The following CSMD1 variants were observed in gnomAD, a reference collection of about 807,000 sequenced individuals.
The protein encoded by CSMD1 is CUB and Sushi multiple domains 1, also known as CUB and sushi domain-containing protein 1.
In CSMD1, 213 loss-of-function variants were observed where a neutral mutation model predicts 417.5. The ratio of observed to expected loss-of-function variants is 0.51; its 90% confidence interval spans 0.46 to 0.57. The LOEUF is 0.57. CSMD1 is among the 20% of genes least tolerant of loss of function. The probability of loss-of-function intolerance (pLI) is 0.00; values close to 1 mark genes in which losing one functional copy is unlikely to be tolerated. For missense variants in CSMD1, 6,923 were observed against 4,529.7 expected, an observed-to-expected ratio of 1.53 and a Z score of -15.17; for synonymous variants, 2,862 against 1,736.8, an observed-to-expected ratio of 1.65 and a Z score of -16.11.
At chr8:3,145,425 G>A (rs1585471453) in intron 40 of CSMD1, among the ~76,000 whole-genome samples, 1 of 152,228 alleles carries the variant, frequency 6.6e-6, no homozygotes, top group South Asian at 2.1e-4. Flanking sequence ...AACTTGCAAG[G>A]GGATCAGGGT....
At chr8:4,120,938 TATA>T (rs915229465) in intron 3 of CSMD1, among the ~76,000 whole-genome samples, 1 of 152,214 alleles carries the variant, frequency 6.6e-6, no homozygotes, top group African/African-American at 2.4e-5. Flanking sequence ...TGAAAATGTG[TATA>T]ATAAGAATAC....
intron 1 of CSMD1, among the ~76,000 whole-genome samples, chr8:4,752,050 T>C (rs890025191): frequency 8.5e-5 from 13 of 152,062 alleles, no homozygotes; most frequent in Non-Finnish European, 1.8e-4. Flanking sequence ...AAACTGTGTA[T>C]ATATTAATAC....
At chr8:3,691,542 C>A (rs893049900) in intron 7 of CSMD1, among the ~76,000 whole-genome samples, 8 of 152,152 alleles carry the variant, frequency 5.3e-5, no homozygotes, top group African/African-American at 1.2e-4. Context: ...TCAGGACCTA[C>A]CTGAATGAAT....
At chr8:3,754,670 G>C (rs757475515) in intron 5 of CSMD1, among the ~76,000 whole-genome samples, 1 of 152,158 alleles carries the variant, frequency 6.6e-6, no homozygotes, top group African/African-American at 2.4e-5. Flanking sequence ...GGCCAGGCTG[G>C]TCTCGAACTT....
intron 1 of CSMD1, among the ~76,000 whole-genome samples, chr8:4,643,309 A>G (rs557931828): frequency 1.2e-4 from 18 of 152,302 alleles, no homozygotes; most frequent in African/African-American, 4.3e-4. Context: ...GAAAATGACA[A>G]TTTATGGTTT....
intron 3 of CSMD1, among the ~76,000 whole-genome samples, chr8:4,294,890 TG>T (rs1238015585): frequency 2.0e-5 from 3 of 151,846 alleles, no homozygotes; most frequent in Non-Finnish European, 4.4e-5. Flanking sequence ...TAGCTGTCAA[TG>T]TGTATGGAAC....
At chr8:3,944,651 T>G (rs913710012) in intron 5 of CSMD1, among the ~76,000 whole-genome samples, 3 of 152,192 alleles carry the variant, frequency 2.0e-5, no homozygotes, top group African/African-American at 7.2e-5. Flanking sequence ...ACTGGTGGAT[T>G]CATTTTTGGG....
intron 47 of CSMD1, among the ~76,000 whole-genome samples, chr8:3,093,485 G>A (rs553769282): frequency 3.2e-4 from 48 of 152,164 alleles, no homozygotes; most frequent in African/African-American, 1.1e-3. Flanking sequence ...TGGCCAATAT[G>A]GTAAAACCCC....
chr8:3,776,492 C>G (rs1798891352), intron 5 of CSMD1, among the ~76,000 whole-genome samples: 1 of 152,156 alleles, frequency 6.6e-6, no homozygotes, highest in African/African-American at 2.4e-5. Context: ...CACACATTTC[C>G]TGCTCTCTCT....
intron 1 of CSMD1, among the ~76,000 whole-genome samples, chr8:4,850,539 A>C (rs976661120): frequency 1.3e-5 from 2 of 151,078 alleles, no homozygotes. Context: ...CCTTTGCACC[A>C]CTCCTCCCCC....
intron 2 of CSMD1, among the ~76,000 whole-genome samples, chr8:4,433,277 C>T (rs1442621188): frequency 6.6e-6 from 1 of 152,134 alleles, no homozygotes; most frequent in African/African-American, 2.4e-5. Flanking sequence ...CATTTCCTCC[C>T]ACACCCTGGT....
intron 3 of CSMD1, among the ~76,000 whole-genome samples, chr8:4,172,611 G>A (rs1307568247): frequency 6.6e-6 from 1 of 152,158 alleles, no homozygotes; most frequent in Non-Finnish European, 1.5e-5. Context: ...TAAGCTCATG[G>A]AACCCACCCT....
intron 2 of CSMD1, among the ~76,000 whole-genome samples, chr8:4,528,552 G>C (rs1399861107): frequency 1.3e-5 from 2 of 152,114 alleles, no homozygotes; most frequent in Admixed American, 6.5e-5. Flanking sequence ...TTTGCTAAAA[G>C]GGTAGATCTT....
At chr8:4,661,344 G>A (rs979233621) in intron 1 of CSMD1, among the ~76,000 whole-genome samples, 3 of 152,078 alleles carry the variant, frequency 2.0e-5, no homozygotes, top group Non-Finnish European at 4.4e-5. Flanking sequence ...CCATATACTG[G>A]ATACATCTTT....
chr8:3,490,227 C>G (rs1382993508), intron 11 of CSMD1, among the ~76,000 whole-genome samples: 1 of 152,136 alleles, frequency 6.6e-6, no homozygotes, highest in Non-Finnish European at 1.5e-5. Flanking sequence ...TTATGTTTCC[C>G]AAAGGGCATC....
chr8:4,489,039 T>C (rs2130193899), intron 2 of CSMD1, among the ~76,000 whole-genome samples: 1 of 152,260 alleles, frequency 6.6e-6, no homozygotes, highest in African/African-American at 2.4e-5. Flanking sequence ...GCCTCCTGAG[T>C]AGCTGGGAAT....
In CSMD1 at chr8:3,922,411, T is replaced by C. The variant is rs548301920; in HGVS notation, c.818+75492A>G. On this transcript the variant is annotated intron_variant, in intron 5 of 69. Coordinates refer to ENST00000635120, the MANE Select transcript of CSMD1 (RefSeq NM_033225.6). ...AATAGGTAAGAACTTACTACTGCCA[T>C]GTTATTAAACTTCTTGGACTGTTTC... Among the ~76,000 whole-genome samples the C allele has an allele frequency of 3.0e-4, 45 of 152,234 alleles. No individual in the cohort carries two copies. In the South Asian group the frequency reaches 6.8e-3, roughly 23 times the overall value.
intron 1 of CSMD1, among the ~76,000 whole-genome samples, chr8:4,813,166 A>C (rs1413975642): frequency 2.0e-5 from 3 of 152,208 alleles, no homozygotes; most frequent in African/African-American, 4.8e-5. Flanking sequence ...TCAGTCACTA[A>C]TGCATACACT....
At chr8:3,464,217 T>G (rs1467254082) in intron 12 of CSMD1, among the ~76,000 whole-genome samples, 1 of 152,272 alleles carries the variant, frequency 6.6e-6, no homozygotes. Context: ...AATTTTTTTT[T>G]GTAACCAAAA....
Sources: gnomAD v4.1 joint callset for allele counts (sites outside exome capture counted in the v4.1 genomes callset) on GRCh38, gnomAD v4.1.1 for gene constraint, MANE v1.5 for transcripts, NCBI Gene and HGNC (gene_info 2026-07-23, HGNC 2026-07-21) for gene names.